The following KAZN variants were observed in gnomAD, a reference collection of about 807,000 sequenced individuals.
The protein encoded by KAZN is kazrin, periplakin interacting protein, also known as kazrin.
A neutral mutation model predicts 87.4 loss-of-function variants in KAZN; 40 were observed. The observed-to-expected ratio is 0.46, with a 90% CI of 0.36 to 0.60. The LOEUF is 0.60. Among genes scored for constraint, KAZN ranks in the 20% least tolerant of loss-of-function variants. The pLI, the probability that KAZN is intolerant of heterozygous loss-of-function variation, is 0.00. For missense variants in KAZN, 898 were observed against 1,073.9 expected, an observed-to-expected ratio of 0.84 and a Z score of 2.29; for synonymous variants, 466 against 458.3, an observed-to-expected ratio of 1.02 and a Z score of -0.22.
intron 1 of KAZN, among the ~76,000 whole-genome samples, chr1:14,067,974 T>A (rs1191227293): frequency 6.6e-6 from 1 of 152,176 alleles, no homozygotes; most frequent in Non-Finnish European, 1.5e-5. Context: ...TTGGCCTGAA[T>A]TGTGACACAC....
chr1:15,011,316 G>A (rs1239291611), intron 2 of KAZN, among the ~76,000 whole-genome samples: 1 of 152,208 alleles, frequency 6.6e-6, no homozygotes, highest in Non-Finnish European at 1.5e-5. Flanking sequence ...CAGGGCTCCT[G>A]GCTGGATTGA....
intron 1 of KAZN, among the ~76,000 whole-genome samples, chr1:14,608,842 A>C (rs1385912965): frequency 6.6e-6 from 1 of 152,208 alleles, no homozygotes; most frequent in Non-Finnish European, 1.5e-5. Context: ...TCCTTGATTG[A>C]CTTAAACATG....
chr1:14,357,758 T>C (rs1421720713), intron 2 of KAZN, among the ~76,000 whole-genome samples: 1 of 152,208 alleles, frequency 6.6e-6, no homozygotes, highest in Non-Finnish European at 1.5e-5. Context: ...CAGCCTTGCA[T>C]CCCAGGGATA....
intron 2 of KAZN, among the ~76,000 whole-genome samples, chr1:14,377,331 T>C (rs1042264663): frequency 2.0e-5 from 3 of 152,136 alleles, no homozygotes; most frequent in Non-Finnish European, 4.4e-5. Flanking sequence ...CTTGTAGAAA[T>C]TGGAGGAGGC....
At position 14,614,911 on chromosome 1, in the gene KAZN, G is replaced by A. The variant is rs113209935; in HGVS notation, c.226+15688G>A. On this transcript the variant is annotated intron_variant, in intron 1 of 14. Coordinates refer to ENST00000376030, the MANE Select transcript of KAZN (RefSeq NM_201628.3). ...GCTGTCTCTTAACACTTCCTAGCTC[G>A]GTGAGGCGGGCAAGTTGCTTTACTA... is the stretch of plus-strand genomic sequence containing the variant. Among the ~76,000 whole-genome samples, 252 of 152,320 alleles carry A rather than the reference G, an allele frequency of 1.7e-3. 2 individuals are homozygous for A. The highest frequency in any genetic ancestry group is 5.7e-3 in the African/African-American group (235 of 41,572).
chr1:14,833,330 A>C (rs896597095), intron 1 of KAZN, among the ~76,000 whole-genome samples: 20 of 152,266 alleles, frequency 1.3e-4, no homozygotes, highest in African/African-American at 4.3e-4. Context: ...ACAGACCCTG[A>C]AACAAATGTG....
chr1:13,966,194 A>C (rs565264461), intron 1 of KAZN, among the ~76,000 whole-genome samples: 4,793 of 97,796 alleles, frequency 0.049, 239 homozygotes, highest in African/African-American at 0.15. Context: ...CCTCCCTCCT[A>C]CTCCTTCCCT....
At chr1:13,958,920 G>A (rs909415993) in intron 1 of KAZN, among the ~76,000 whole-genome samples, 3 of 152,144 alleles carry the variant, frequency 2.0e-5, no homozygotes, top group African/African-American at 7.2e-5. Flanking sequence ...CTAGATTGGT[G>A]AGGTCTGACC....
At chr1:14,278,332 A>C (rs1333359109) in intron 2 of KAZN, among the ~76,000 whole-genome samples, 2 of 135,966 alleles carry the variant, frequency 1.5e-5, no homozygotes, top group African/African-American at 5.7e-5. Flanking sequence ...GCTCTGTCGC[A>C]CAGGCTGGAG....
chr1:14,739,407 G>C (rs1389186448), intron 1 of KAZN, among the ~76,000 whole-genome samples: 1 of 151,962 alleles, frequency 6.6e-6, no homozygotes, highest in South Asian at 2.1e-4. Flanking sequence ...AGCAAGAGAC[G>C]GGCAGTGTCC....
intron 1 of KAZN, among the ~76,000 whole-genome samples, chr1:14,781,254 G>A (rs1330644513): frequency 9.2e-5 from 14 of 152,298 alleles, no homozygotes; most frequent in East Asian, 5.8e-4. Flanking sequence ...CCCAGGAGGC[G>A]GAGCTTGCAG....
chr1:13,995,781 C>T (rs1247879457), intron 1 of KAZN, among the ~76,000 whole-genome samples: 1 of 152,212 alleles, frequency 6.6e-6, no homozygotes, highest in East Asian at 1.9e-4. Context: ...ACTGACACTC[C>T]TTGCTCCTCA....
intron 1 of KAZN, among the ~76,000 whole-genome samples, chr1:14,830,547 C>A (rs1266543635): frequency 1.3e-5 from 2 of 152,130 alleles, no homozygotes; most frequent in Admixed American, 6.5e-5. Flanking sequence ...GTTTAATTGA[C>A]CCACAGTTCT....
At chr1:14,052,009 C>G (rs1310576202) in intron 1 of KAZN, among the ~76,000 whole-genome samples, 1 of 152,194 alleles carries the variant, frequency 6.6e-6, no homozygotes, top group African/African-American at 2.4e-5. Context: ...TTGGGTATGG[C>G]AGTGGTCCCT....
intron 1 of KAZN, among the ~76,000 whole-genome samples, chr1:14,096,360 C>T (rs887373732): frequency 6.6e-5 from 10 of 152,194 alleles, no homozygotes; most frequent in African/African-American, 2.4e-4. Flanking sequence ...ACTGATGCTA[C>T]AGCTACTCAC....
intron 1 of KAZN, among the ~76,000 whole-genome samples, chr1:14,644,844 G>T (rs1380296708): frequency 1.3e-4 from 20 of 152,176 alleles, no homozygotes. Context: ...TGTTGTGATT[G>T]CTTTTGGTGT....
intron 1 of KAZN, among the ~76,000 whole-genome samples, chr1:14,737,948 C>T (rs945352994): frequency 1.3e-5 from 2 of 152,162 alleles, no homozygotes; most frequent in African/African-American, 2.4e-5. Context: ...AGCTCAAAGT[C>T]AACAGTGGTA....
At chr1:14,833,602 G>A (rs540228871) in intron 1 of KAZN, among the ~76,000 whole-genome samples, 1 of 152,250 alleles carries the variant, frequency 6.6e-6, no homozygotes, top group African/African-American at 2.4e-5. Context: ...TAAGCATATG[G>A]GTTCTGTCTT....
In KAZN at chr1:14,246,031, G is replaced by A. The variant is rs1218403175; in HGVS notation, c.249+65439G>A. On this transcript the variant is annotated intron_variant, in intron 2 of 16. Coordinates refer to the KAZN transcript ENST00000636203. ...AGGAACAGGATCATATTCTTTGCAG[G>A]GGCATGGATAAAGCTGGAAGCCATT... 3.3e-5 allele frequency among the ~76,000 whole-genome samples: 5 copies of A among 152,210 alleles called. 1 individual carries two copies. Among genetic ancestry groups the A allele is most frequent in the Admixed American group, 3.3e-4 (5 of 15,288 alleles).
Sources: allele counts gnomAD v4.1 joint callset (sites outside exome capture counted in the v4.1 genomes callset), GRCh38; gene constraint gnomAD v4.1.1; transcripts MANE v1.5; gene names NCBI Gene and HGNC (gene_info 2026-07-23, HGNC 2026-07-21).